The following PRKCE variants were observed in gnomAD, a reference collection of about 807,000 sequenced individuals.
PRKCE encodes the protein protein kinase C epsilon type.
In PRKCE, 16 loss-of-function variants were observed where a neutral mutation model predicts 85.4. That is an observed-to-expected ratio of 0.19 (90% confidence interval 0.13 to 0.28). PRKCE has a LOEUF of 0.28. Ranked by LOEUF, PRKCE falls within the 10% of genes least tolerant of loss-of-function variation. The pLI is 1.00. For missense variants in PRKCE, 573 were observed against 975.2 expected, an observed-to-expected ratio of 0.59 and a Z score of 5.49; for synonymous variants, 388 against 371.5, an observed-to-expected ratio of 1.04 and a Z score of -0.51.
chr2:45,750,521 A>G (rs1683474669), intron 1 of PRKCE, among the ~76,000 whole-genome samples: 1 of 152,146 alleles, frequency 6.6e-6, no homozygotes, highest in Non-Finnish European at 1.5e-5. Context: ...TTGGTTTGGG[A>G]TCAGAGAGAC....
At chr2:46,112,769 C>T (rs892216630) in intron 11 of PRKCE, among the ~76,000 whole-genome samples, 2 of 152,194 alleles carry the variant, frequency 1.3e-5, no homozygotes, top group African/African-American at 4.8e-5. Context: ...ATCCACCCAC[C>T]TTGGCCTCCC....
rs1675170153 is a variant in PRKCE at position 45,652,521 on chromosome 2, T to C, written c.348+73T>C. 1 of 1,381,054 alleles carries C rather than the reference T, an allele frequency of 7.2e-7. No homozygotes were observed. The highest frequency in any genetic ancestry group is 1.4e-5 in the South Asian group (1 of 72,720). 85.5% of individuals were successfully genotyped at this position (1,381,054 alleles called of 1,614,324 possible). On this transcript the variant is annotated intron_variant, in intron 1 of 14. Transcript: ENST00000306156. The surrounding 1 kb of genome is among the most constrained non-coding windows in gnomAD (Gnocchi z 7.7). ...CCGGGGAAAGACTCGCTGGTCTTGA[T>C]CGTAGGGCTCCGGGACTTATTGACG...
chr2:45,848,436 G>A (rs1691976286), intron 2 of PRKCE, among the ~76,000 whole-genome samples: 1 of 152,046 alleles, frequency 6.6e-6, no homozygotes, highest in African/African-American at 2.4e-5. Context: ...TCAGCCTCCT[G>A]AGTAGCTGGG....
At chr2:45,887,224 C>T (rs1695368218) in intron 2 of PRKCE, among the ~76,000 whole-genome samples, 1 of 152,138 alleles carries the variant, frequency 6.6e-6, no homozygotes. Flanking sequence ...GCAGGTTATA[C>T]TCTCAGCATT....
At chr2:45,863,165 T>G (rs1693307643) in intron 2 of PRKCE, among the ~76,000 whole-genome samples, 1 of 152,264 alleles carries the variant, frequency 6.6e-6, no homozygotes, top group Non-Finnish European at 1.5e-5. Flanking sequence ...ACTCATTTCC[T>G]GGCAGCTCAT....
chr2:46,060,656 G>A (rs541576298), intron 10 of PRKCE, among the ~76,000 whole-genome samples: 3 of 151,664 alleles, frequency 2.0e-5, no homozygotes, highest in East Asian at 1.9e-4. Context: ...TCCCCTTCCC[G>A]TTGCTGTATG....
intron 1 of PRKCE, among the ~76,000 whole-genome samples, chr2:45,682,383 G>T (rs989762180): frequency 6.6e-6 from 1 of 152,012 alleles, no homozygotes; most frequent in South Asian, 2.1e-4. Flanking sequence ...TGGTAAGGGG[G>T]TAGTTTGGTT....
rs1186749274 is a variant in PRKCE at position 45,743,958 on chromosome 2, C to T, written c.348+91510C>T. Among the ~76,000 whole-genome samples the T allele has an allele frequency of 4.0e-5, 6 of 150,818 alleles. No individual in the cohort carries two copies. The East Asian group carries it at 5.9e-4, about 15-fold the overall frequency. ...AGTGTACAGGAAGGAGCCTGCCTCC[C>T]GGGAGCTAAGTAGATTGTAGATTTG... On this transcript the variant is annotated intron_variant, in intron 1 of 14. Transcript: ENST00000306156.
At chr2:46,169,679 C>T (rs114987469) in intron 14 of PRKCE, among the ~76,000 whole-genome samples, 73 of 152,294 alleles carry the variant, frequency 4.8e-4, no homozygotes, top group African/African-American at 1.6e-3. Context: ...GGACTTTAGC[C>T]GCACTCCGTC....
intron 1 of PRKCE, among the ~76,000 whole-genome samples, chr2:45,733,465 T>C (rs1681763644): frequency 6.6e-6 from 1 of 151,758 alleles, no homozygotes; most frequent in African/African-American, 2.4e-5. Flanking sequence ...TCATAAATGG[T>C]GGGGTATGTG....
At chr2:46,037,807 A>G (rs1296645098) in intron 10 of PRKCE, among the ~76,000 whole-genome samples, 1 of 152,194 alleles carries the variant, frequency 6.6e-6, no homozygotes, top group Non-Finnish European at 1.5e-5. Context: ...TACAGACAGA[A>G]GCCCAGCTCT....
chr2:45,918,036 G>A (rs1454403807), intron 2 of PRKCE, among the ~76,000 whole-genome samples: 1 of 152,216 alleles, frequency 6.6e-6, no homozygotes, highest in African/African-American at 2.4e-5. Flanking sequence ...GCGCAGCCCC[G>A]GTTCCCGCTG....
chr2:45,991,071 A>G (rs1703755717), intron 6 of PRKCE, among the ~76,000 whole-genome samples: 1 of 149,876 alleles, frequency 6.7e-6, no homozygotes, highest in African/African-American at 2.5e-5. Flanking sequence ...CAGCGGTGCA[A>G]TCTCAGCTCA....
At chr2:45,692,733 A>G (rs2104090820) in intron 1 of PRKCE, among the ~76,000 whole-genome samples, 1 of 149,992 alleles carries the variant, frequency 6.7e-6, no homozygotes, top group East Asian at 1.9e-4. Context: ...ACACACACCC[A>G]TGCACACACA....
At chr2:45,950,951 C>T (rs536481711) in intron 2 of PRKCE, among the ~76,000 whole-genome samples, 85 of 152,242 alleles carry the variant, frequency 5.6e-4, no homozygotes, top group African/African-American at 2.0e-3. Flanking sequence ...TGGTGGCTCC[C>T]GATCTGAGAT....
chr2:45,659,507 C>T (rs1470508646), intron 1 of PRKCE, among the ~76,000 whole-genome samples: 1 of 152,230 alleles, frequency 6.6e-6, no homozygotes, highest in Non-Finnish European at 1.5e-5. Context: ...GCTCACAGAT[C>T]TCTCAGGTGA....
chr2:45,790,166 A>G (rs1214429164), intron 1 of PRKCE, among the ~76,000 whole-genome samples: 1 of 152,238 alleles, frequency 6.6e-6, no homozygotes, highest in Non-Finnish European at 1.5e-5. Flanking sequence ...TGTAGTTGCA[A>G]AAATGCACAT....
rs1290906976 is a variant in PRKCE, at chr2:46,155,354, G to A, written c.1920+4125G>A. Among the ~76,000 whole-genome samples the A allele has an allele frequency of 6.6e-6, 1 of 152,148 alleles. No homozygotes were observed. The highest frequency in any genetic ancestry group is 6.5e-5 in the Admixed American group (1 of 15,274). On this transcript the variant is annotated intron_variant, in intron 13 of 14. Transcript: ENST00000306156. The surrounding 1 kb of genome is among the most constrained non-coding windows in gnomAD (Gnocchi z 4.7). ...GAGCTCTTCTCAGCTCCTTGCTGGT[G>A]TCACTCGCGGGCCCCTGTTCGGCTC...
chr2:45,691,328 CTG>C (rs796211780), intron 1 of PRKCE, among the ~76,000 whole-genome samples: 15 of 152,304 alleles, frequency 9.8e-5, no homozygotes, highest in African/African-American at 3.4e-4. Flanking sequence ...TCCAGAGAGA[CTG>C]TGGATTTTCA....
Sources: gnomAD v4.1 joint callset for allele counts (sites outside exome capture counted in the v4.1 genomes callset) on GRCh38, gnomAD v4.1.1 for gene constraint, Gnocchi (gnomAD v3.1) non-coding constraint, MANE v1.5 for transcripts, NCBI Gene and HGNC (gene_info 2026-07-23, HGNC 2026-07-21) for gene names.